Variants in ZBTB8A observed in about 807,000 individuals in gnomAD.
The protein encoded by ZBTB8A is zinc finger and BTB domain containing 8A.
Under a neutral mutation model 37.8 loss-of-function variants are expected in ZBTB8A, and 19 were observed. The ratio of observed to expected loss-of-function variants is 0.50; its 90% CI spans 0.35 to 0.74. The LOEUF is 0.74. ZBTB8A is among the 30% of genes least tolerant of loss of function. ZBTB8A has a pLI of 0.01. For synonymous variants in ZBTB8A, 181 were observed against 185.2 expected (o/e 0.98, Z 0.19); for missense variants, 394 against 537.8 (o/e 0.73, Z 2.65).
At chr1:32,563,520 T>C (rs1644258740) in intron 2 of ZBTB8A, among the ~76,000 whole-genome samples, 1 of 152,124 alleles carries the variant, frequency 6.6e-6, no homozygotes, top group Admixed American at 6.6e-5. Flanking sequence ...TGGAGTGCAA[T>C]GATGTGATCT....
chr1:32,564,923 C>T (rs996811139), intron 2 of ZBTB8A, among the ~76,000 whole-genome samples: 2 of 152,160 alleles, frequency 1.3e-5, no homozygotes, highest in African/African-American at 4.8e-5. Flanking sequence ...AATGACATTC[C>T]ACCTCTGCTA....
At chr1:32,591,141 T>C (rs1195529044) in intron 2 of ZBTB8A, among the ~76,000 whole-genome samples, 1 of 149,514 alleles carries the variant, frequency 6.7e-6, no homozygotes, top group African/African-American at 2.5e-5. Flanking sequence ...ACTCCTAACC[T>C]CAAGTGATCT....
chr1:32,558,976 T>C (rs1644223791), intron 2 of ZBTB8A, among the ~76,000 whole-genome samples: 1 of 152,196 alleles, frequency 6.6e-6, no homozygotes, highest in Non-Finnish European at 1.5e-5. Context: ...CCCCCATTTA[T>C]AGGTTAGGAA....
At chr1:32,598,771 C>A (rs890604072) in intron 4 of ZBTB8A, among the ~76,000 whole-genome samples, 11 of 152,202 alleles carry the variant, frequency 7.2e-5, no homozygotes, top group Non-Finnish European at 7.4e-5. Flanking sequence ...CATGTTAACT[C>A]ATTTGGTCCT....
intron 2 of ZBTB8A, among the ~76,000 whole-genome samples, chr1:32,560,363 C>T (rs1438869872): frequency 4.6e-5 from 7 of 152,190 alleles, no homozygotes. Context: ...CAAGAAAGCC[C>T]TCGCCAAGTG....
intron 2 of ZBTB8A, among the ~76,000 whole-genome samples, chr1:32,580,540 G>A (rs1218650886): frequency 1.3e-5 from 2 of 150,006 alleles, no homozygotes; most frequent in African/African-American, 4.9e-5. Context: ...AACAGAGTAA[G>A]ATTCTGTCTG....
chr1:32,542,997 A>G (rs1167094227), intron 1 of ZBTB8A, among the ~76,000 whole-genome samples: 2 of 152,226 alleles, frequency 1.3e-5, no homozygotes, highest in African/African-American at 2.4e-5. Context: ...GAGTACTACT[A>G]TGAATGCATG....
chr1:32,565,753 ATATT>A (rs1338542989), intron 2 of ZBTB8A, among the ~76,000 whole-genome samples: 7 of 152,070 alleles, frequency 4.6e-5, no homozygotes, highest in African/African-American at 1.4e-4. Flanking sequence ...TTTTTAGTGA[ATATT>A]TATTCATTCA....
At position 32,593,216 on chromosome 1, in the gene ZBTB8A, C is replaced by G; in HGVS notation, c.285C>G (p.Val95=). Residue 95 remains valine, a synonymous_variant, in exon 3 of 5, where the codon GTC becomes GTG. Coordinates refer to ENST00000373510, the MANE Select transcript of ZBTB8A (RefSeq NM_001040441.3). ...SGKLSLTGQN[V]IEVMSAASFL... is the part of the protein sequence containing the mutation. Reference sequence around the variant, plus strand: ...AACTGTCTCTTACTGGTCAGAATGTCATAGAAGTGATGTCGGCTGCTAGCT... The same window carrying G: ...AACTGTCTCTTACTGGTCAGAATGTGATAGAAGTGATGTCGGCTGCTAGCT... 1 of 1,614,166 alleles carries G rather than the reference C, an allele frequency of 6.2e-7. No individual in the cohort carries two copies. Among genetic ancestry groups the G allele is most frequent in the Non-Finnish European group, 8.5e-7 (1 of 1,180,044 alleles).
chr1:32,577,583 ATTCTT>A (rs1644372374), intron 2 of ZBTB8A, among the ~76,000 whole-genome samples: 1 of 93,824 alleles, frequency 1.1e-5, no homozygotes, highest in South Asian at 3.4e-4. Context: ...CAGATATTGT[ATTCTT>A]TTTTTTTTTT....
chr1:32,583,172 G>A (rs1331136836), intron 2 of ZBTB8A, among the ~76,000 whole-genome samples: 1 of 151,942 alleles, frequency 6.6e-6, no homozygotes, highest in Non-Finnish European at 1.5e-5. Context: ...CTTGAGCCCA[G>A]GAGTTTGGGA....
chr1:32,575,191 T>A (rs938669317), intron 2 of ZBTB8A, among the ~76,000 whole-genome samples: 8 of 151,714 alleles, frequency 5.3e-5, no homozygotes, highest in South Asian at 2.1e-4. Context: ...AACTTTTTTT[T>A]AATGTCTTTT....
chr1:32,583,870 AG>A (rs1449144946), intron 2 of ZBTB8A, among the ~76,000 whole-genome samples: 1 of 152,056 alleles, frequency 6.6e-6, no homozygotes, highest in Admixed American at 6.6e-5. Flanking sequence ...CAACCTCCCG[AG>A]TAGCTGGAAT....
chr1:32,597,726 A>C (rs1199323609), intron 4 of ZBTB8A, among the ~76,000 whole-genome samples: 1 of 152,090 alleles, frequency 6.6e-6, no homozygotes, highest in African/African-American at 2.4e-5. Flanking sequence ...ACAATACCAC[A>C]TTTGATACCC....
At position 32,602,800 on chromosome 1, in the gene ZBTB8A, C is replaced by G. The variant is rs563708920; in HGVS notation, c.*2381C>G. 2 of 152,308 alleles carry G rather than the reference C, an allele frequency of 1.3e-5. No homozygotes were observed. Among genetic ancestry groups the G allele is most frequent in the African/African-American group, 4.8e-5 (2 of 41,564 alleles). 9.4% of individuals were successfully genotyped at this position (152,308 alleles called of 1,614,324 possible). On this transcript the variant is annotated 3_prime_UTR_variant, in exon 5 of 5. Coordinates refer to ENST00000373510, the MANE Select transcript of ZBTB8A (RefSeq NM_001040441.3). ...TCTCCTGATCTCGTGATCCGCCCCCCTCGGCCTCCCAAAGTGCTGGGATTA... is the reference window on the plus strand; with the variant it reads ...TCTCCTGATCTCGTGATCCGCCCCCGTCGGCCTCCCAAAGTGCTGGGATTA...
At chr1:32,539,715 TCCCCGG>T (rs1362217231) in intron 1 of ZBTB8A, 143 bp downstream of exon 1, 6 of 678 alleles carry the variant, frequency 8.8e-3, no homozygotes, top group Non-Finnish European at 0.02. Flanking sequence ...CCCCCAGACG[TCCCCGG>T]GCCGGGAGCG....
chr1:32,577,358 C>T (rs1337035657), intron 2 of ZBTB8A, among the ~76,000 whole-genome samples: 1 of 151,620 alleles, frequency 6.6e-6, no homozygotes, highest in East Asian at 2.0e-4. Context: ...CTCTGTTGCC[C>T]AGGCTGGTGT....
chr1:32,586,284 A>AT (rs1644448675), intron 2 of ZBTB8A, among the ~76,000 whole-genome samples: 1 of 152,178 alleles, frequency 6.6e-6, no homozygotes, highest in Non-Finnish European at 1.5e-5. Flanking sequence ...TCGCCATTGC[A>AT]TTCCAGCCTG....
At chr1:32,547,352 CTTT>C (rs769532413) in intron 1 of ZBTB8A, among the ~76,000 whole-genome samples, 2 of 131,808 alleles carry the variant, frequency 1.5e-5, no homozygotes, top group Admixed American at 7.7e-5. Context: ...TCTTTTCTTT[CTTT>C]TTTTTTTTTT....
Sources: gnomAD v4.1 joint callset for allele counts (sites outside exome capture counted in the v4.1 genomes callset) on GRCh38, gnomAD v4.1.1 for gene constraint, MANE v1.5 for transcripts, NCBI Gene and HGNC (gene_info 2026-07-23, HGNC 2026-07-21) for gene names.